Variants in ADAMTSL3 observed in about 807,000 individuals in gnomAD.
ADAMTSL3 encodes ADAMTS like 3.
A neutral mutation model predicts 201.7 loss-of-function variants in ADAMTSL3; 128 were observed. The ratio of observed to expected loss-of-function variants is 0.63; its 90% CI spans 0.55 to 0.73. ADAMTSL3 has a LOEUF of 0.73. Among genes scored for constraint, ADAMTSL3 ranks in the 30% least tolerant of loss-of-function variants. The pLI is 0.00. For synonymous variants in ADAMTSL3, 738 were observed against 748.4 expected (o/e 0.99, Z 0.23); for missense variants, 1,990 against 2,119.6 (o/e 0.94, Z 1.20).
At chr15:83,792,884 C>G (rs183625596) in intron 4 of ADAMTSL3, among the ~76,000 whole-genome samples, 5 of 152,136 alleles carry the variant, frequency 3.3e-5, no homozygotes, top group Admixed American at 2.6e-4. Flanking sequence ...GATATCTGCA[C>G]TTCCATGTTT....
At chr15:83,660,056 A>C (rs2061141405) in intron 2 of ADAMTSL3, among the ~76,000 whole-genome samples, 1 of 152,212 alleles carries the variant, frequency 6.6e-6, no homozygotes, top group African/African-American at 2.4e-5. Flanking sequence ...AAACTAATAC[A>C]GGATGTCAGG....
intron 3 of ADAMTSL3, among the ~76,000 whole-genome samples, chr15:83,763,126 G>A (rs1188344485): frequency 2.0e-5 from 3 of 152,132 alleles, no homozygotes; most frequent in Non-Finnish European, 4.4e-5. Context: ...TGAACCTCAA[G>A]TGATTCCCCC....
chr15:83,908,920 A>G (rs183421112), intron 15 of ADAMTSL3, among the ~76,000 whole-genome samples: 5 of 152,210 alleles, frequency 3.3e-5, no homozygotes, highest in Non-Finnish European at 7.3e-5. Context: ...TTCCAGGCTC[A>G]TTTGAATAAT....
At chr15:83,944,875 A>T (rs2066626161) in intron 19 of ADAMTSL3, among the ~76,000 whole-genome samples, 1 of 152,226 alleles carries the variant, frequency 6.6e-6, no homozygotes, top group Non-Finnish European at 1.5e-5. Context: ...GGCAATGTCT[A>T]GTAGAGTAGG....
intron 2 of ADAMTSL3, among the ~76,000 whole-genome samples, chr15:83,673,680 A>C (rs2061356961): frequency 6.6e-6 from 1 of 152,224 alleles, no homozygotes; most frequent in Non-Finnish European, 1.5e-5. Context: ...GGACATAGGC[A>C]TCTTTTTTAA....
intron 6 of ADAMTSL3, 94 bp from the exon 7 acceptor site, chr15:83,837,995 T>C: frequency 2.0e-6 from 3 of 1,483,880 alleles, no homozygotes; most frequent in Non-Finnish European, 1.8e-6. Context: ...AACTGTAAAG[T>C]TAAGGATTAC....
At chr15:83,763,257 G>A (rs2062837716) in intron 3 of ADAMTSL3, among the ~76,000 whole-genome samples, 1 of 152,134 alleles carries the variant, frequency 6.6e-6, no homozygotes, top group African/African-American at 2.4e-5. Context: ...ACAGAGGCCA[G>A]GAAAATAATA....
At chr15:83,720,916 T>C (rs953306744) in intron 3 of ADAMTSL3, among the ~76,000 whole-genome samples, 3 of 152,218 alleles carry the variant, frequency 2.0e-5, no homozygotes, top group African/African-American at 7.2e-5. Flanking sequence ...TATTTTTTCT[T>C]AGTTTTAAAC....
intron 13 of ADAMTSL3, among the ~76,000 whole-genome samples, chr15:83,894,083 T>TG (rs2065564245): frequency 5.3e-5 from 8 of 152,184 alleles, no homozygotes; most frequent in Admixed American, 5.2e-4. Context: ...CAGTATTGTA[T>TG]TGTGCATGAG....
intron 8 of ADAMTSL3, among the ~76,000 whole-genome samples, chr15:83,860,891 A>AT (rs1273353837): frequency 3.3e-5 from 5 of 152,192 alleles, no homozygotes; most frequent in Non-Finnish European, 5.9e-5. Flanking sequence ...GGGAAGCGCA[A>AT]TGGGTCAGGG....
chr15:83,881,464 A>G (rs905778215), intron 9 of ADAMTSL3, among the ~76,000 whole-genome samples: 2 of 152,226 alleles, frequency 1.3e-5, no homozygotes, highest in Admixed American at 6.5e-5. Flanking sequence ...TGTCATGCCA[A>G]ATTTGCTCAC....
chr15:83,897,711 C>T (rs2065645153), intron 13 of ADAMTSL3, 147 bp from the exon 14 acceptor site: 2 of 863,900 alleles, frequency 2.3e-6, no homozygotes, highest in Non-Finnish European at 3.2e-6. Flanking sequence ...AAATTAGCCT[C>T]TGTACCCTTC....
chr15:83,982,992 T>A lies in ADAMTSL3; in HGVS notation c.3364T>A (p.Tyr1122Asn). The change falls in exon 21 of 30, where the codon TAT (tyrosine) becomes AAT (asparagine). Residue 1122 changes from tyrosine (Y) to asparagine (N), a missense_variant. Physicochemically the swap from Tyr to Asn is moderately radical, Grantham distance 143 (BLOSUM62 -2). Transcript: ENST00000286744. ...VSDDLASQLI[Y>N]QLVAELAKAQ... is the part of the protein sequence containing the mutation. ...CGATGATCTTGCGTCCCAGCTGATA[T>A]ATCAGCTGGTGGCCGAATTAGCCAA... 1.2e-6 allele frequency: 2 copies of A among 1,614,140 alleles called. No homozygotes were observed. The highest frequency in any genetic ancestry group is 1.7e-6 in the Non-Finnish European group (2 of 1,180,020).
intron 17 of ADAMTSL3, among the ~76,000 whole-genome samples, chr15:83,926,184 G>A (rs976729740): frequency 2.5e-4 from 38 of 152,316 alleles, no homozygotes; most frequent in South Asian, 4.1e-4. Context: ...TCTGCCAGGA[G>A]AGGTGTAGAG....
chr15:83,693,642 T>G (rs558573968), intron 2 of ADAMTSL3, among the ~76,000 whole-genome samples: 1 of 152,326 alleles, frequency 6.6e-6, no homozygotes, highest in South Asian at 2.1e-4. Context: ...ACACTCTATT[T>G]AAAGCTGCAA....
intron 23 of ADAMTSL3, among the ~76,000 whole-genome samples, chr15:84,006,795 C>T (rs1448803832): frequency 1.3e-5 from 2 of 152,212 alleles, no homozygotes; most frequent in African/African-American, 4.8e-5. Context: ...TTTCCTCTGG[C>T]CTGTTCAGTT....
chr15:84,036,161 A>C (rs938375477), intron 28 of ADAMTSL3, among the ~76,000 whole-genome samples: 1 of 152,144 alleles, frequency 6.6e-6, no homozygotes, highest in African/African-American at 2.4e-5. Flanking sequence ...CCTCTTTAGC[A>C]TGTGTCTTTT....
chr15:83,699,269 TC>T lies in ADAMTSL3; in HGVS notation c.70-5119del, dbSNP rs536304544. Among the ~76,000 whole-genome samples the T allele has an allele frequency of 1.6e-3, 241 of 152,274 alleles. 1 individual carries two copies. The highest frequency in any genetic ancestry group is 2.6e-3 in the Non-Finnish European group (176 of 68,010). ...ATGGACACCTCCAACTTAACATGACTCAAACAGAACTGTTGACTCTATCCTC... is the reference window on the plus strand; with the variant it reads ...ATGGACACCTCCAACTTAACATGACTAAACAGAACTGTTGACTCTATCCTC... On this transcript the variant is annotated intron_variant, in intron 2 of 29. Coordinates refer to ENST00000286744, the MANE Select transcript of ADAMTSL3 (RefSeq NM_207517.3).
At chr15:83,876,720 C>T (rs1298183977) in intron 9 of ADAMTSL3, among the ~76,000 whole-genome samples, 1 of 152,056 alleles carries the variant, frequency 6.6e-6, no homozygotes, top group African/African-American at 2.4e-5. Context: ...CAGCTTTGAC[C>T]TCCTGGGCTC....
Sources: allele counts gnomAD v4.1 joint callset (sites outside exome capture counted in the v4.1 genomes callset), GRCh38; gene constraint gnomAD v4.1.1; transcripts MANE v1.5; gene names NCBI Gene and HGNC (gene_info 2026-07-23, HGNC 2026-07-21).